Variants in TENM4 observed in about 807,000 individuals in gnomAD.
TENM4 encodes the protein teneurin transmembrane protein 4, also known as teneurin-4.
Under a neutral mutation model 243.3 loss-of-function variants are expected in TENM4, and 82 were observed. The observed-to-expected ratio is 0.34, with a 90% CI of 0.28 to 0.40. TENM4 has a LOEUF of 0.40. Among genes scored for constraint, TENM4 ranks in the 10% least tolerant of loss-of-function variants. The pLI, the probability that TENM4 is intolerant of heterozygous loss-of-function variation, is 1.00. For missense variants in TENM4, 3,138 were observed against 3,673.3 expected (o/e 0.85, Z 3.77); for synonymous variants, 1,412 against 1,456.3 (o/e 0.97, Z 0.69).
chr11:78,948,593 G>A (rs1046781517), intron 6 of TENM4, among the ~76,000 whole-genome samples: 3 of 152,120 alleles, frequency 2.0e-5, no homozygotes, highest in South Asian at 2.1e-4. Flanking sequence ...GGATGGTCTC[G>A]ATCTCCTGAC....
chr11:78,687,532 T>G (rs1169548438), intron 29 of TENM4, among the ~76,000 whole-genome samples: 2 of 152,152 alleles, frequency 1.3e-5, no homozygotes, highest in Non-Finnish European at 2.9e-5. Flanking sequence ...ACAGCAAGAT[T>G]TCATCATTGT....
intron 11 of TENM4, among the ~76,000 whole-genome samples, chr11:78,854,919 G>T (rs1400830830): frequency 1.3e-5 from 2 of 152,206 alleles, no homozygotes; most frequent in African/African-American, 2.4e-5. Flanking sequence ...ATAATTACAT[G>T]CTGTGTCAAA....
intron 2 of TENM4, among the ~76,000 whole-genome samples, chr11:79,223,469 G>A (rs1177016816): frequency 2.0e-5 from 3 of 152,124 alleles, no homozygotes; most frequent in Non-Finnish European, 4.4e-5. Flanking sequence ...CCAGACCTCT[G>A]GGCCTCTGCT....
At chr11:79,247,362 A>G (rs1200297742) in intron 2 of TENM4, among the ~76,000 whole-genome samples, 1 of 142,744 alleles carries the variant, frequency 7.0e-6, no homozygotes, top group Non-Finnish European at 1.5e-5. Flanking sequence ...AGTTGCAGTG[A>G]GCTGAGATCA....
intron 2 of TENM4, among the ~76,000 whole-genome samples, chr11:79,260,217 G>A (rs1373358129): frequency 1.3e-5 from 2 of 152,204 alleles, no homozygotes; most frequent in Non-Finnish European, 2.9e-5. Flanking sequence ...TCAGAGTTGT[G>A]ACTAGGGTAA....
At position 78,708,519 on chromosome 11, in the gene TENM4, G is replaced by A; in HGVS notation, c.4055-4C>T. ...CCAAACTTGTCCACTGTAATGCCTG[G>A]GGGCAGAGAAGCCAAAACAGGAACT... On this transcript the variant is annotated splice_polypyrimidine_tract_variant and splice_region_variant and intron_variant, in intron 26 of 33. Transcript: ENST00000278550. 6.2e-7 allele frequency: 1 copy of A among 1,613,364 alleles called. No homozygotes were observed. The highest frequency in any genetic ancestry group is 8.5e-7 in the Non-Finnish European group (1 of 1,179,626).
chr11:78,913,686 G>A (rs866963764), intron 6 of TENM4, among the ~76,000 whole-genome samples: 1 of 151,462 alleles, frequency 6.6e-6, no homozygotes, highest in Non-Finnish European at 1.5e-5. Flanking sequence ...GAGCGGATAA[G>A]CAGCTCATGG....
chr11:79,173,392 A>G (rs1863090199), intron 3 of TENM4, among the ~76,000 whole-genome samples: 1 of 151,808 alleles, frequency 6.6e-6, no homozygotes, highest in South Asian at 2.1e-4. Context: ...TTGAGTCTCA[A>G]TTTTCTTCTT....
chr11:79,001,986 C>T (rs1275438526), intron 6 of TENM4, among the ~76,000 whole-genome samples: 2 of 152,172 alleles, frequency 1.3e-5, no homozygotes, highest in Non-Finnish European at 2.9e-5. Flanking sequence ...CTCCCCATCT[C>T]CCCTGCTTTT....
chr11:78,796,023 G>A (rs967366248), intron 15 of TENM4, among the ~76,000 whole-genome samples: 5 of 152,056 alleles, frequency 3.3e-5, no homozygotes, highest in Admixed American at 6.6e-5. Flanking sequence ...TCGAGATGGC[G>A]GAAAGTTAAT....
chr11:79,058,728 G>T (rs1253653367), intron 6 of TENM4, among the ~76,000 whole-genome samples: 3 of 152,134 alleles, frequency 2.0e-5, no homozygotes, highest in African/African-American at 7.2e-5. Flanking sequence ...TGTCTCCAAG[G>T]TTCTTTCTAG....
At chr11:79,218,842 C>T (rs1293773059) in intron 2 of TENM4, among the ~76,000 whole-genome samples, 8 of 152,112 alleles carry the variant, frequency 5.3e-5, no homozygotes, top group Non-Finnish European at 5.9e-5. Context: ...GCTAGCATTC[C>T]GTTGAGGGGA....
chr11:78,658,953 C>G, intron 33 of TENM4, 137 bp from the exon 34 acceptor site: 1 of 980,126 alleles, frequency 1.0e-6, no homozygotes, highest in Non-Finnish European at 1.5e-6. Flanking sequence ...CCGCTGACCA[C>G]CAGAACATCC....
At chr11:79,368,684 G>T (rs1427081643) in intron 1 of TENM4, among the ~76,000 whole-genome samples, 1 of 152,216 alleles carries the variant, frequency 6.6e-6, no homozygotes, top group Non-Finnish European at 1.5e-5. Flanking sequence ...CTCATCTGAA[G>T]AATGTGGATC....
At position 79,438,291 on chromosome 11, in the gene TENM4, C is replaced by CT. The variant is rs1027251098; in HGVS notation, c.-321+2217dup. 2.0e-5 allele frequency among the ~76,000 whole-genome samples: 3 copies of CT among 152,180 alleles called. No homozygotes were observed. Among genetic ancestry groups the CT allele is most frequent in the African/African-American group, 7.2e-5 (3 of 41,434 alleles). ...AAAGCATACTCTTACTGTGGTTTCT[C>CT]TATCAAAGCCCATCAACGTGATACA... is the stretch of plus-strand genomic sequence containing the variant. On this transcript the variant is annotated intron_variant, in intron 1 of 33. Coordinates refer to ENST00000278550, the MANE Select transcript of TENM4 (RefSeq NM_001098816.3). This position sits in a 1 kb window ranked among gnomAD's most constrained non-coding sequence, Gnocchi z 4.1.
At chr11:79,380,122 G>C (rs778389214) in intron 1 of TENM4, among the ~76,000 whole-genome samples, 1 of 152,128 alleles carries the variant, frequency 6.6e-6, no homozygotes, top group Non-Finnish European at 1.5e-5. Flanking sequence ...GCAGCTATGA[G>C]CCTCCCAATG....
chr11:79,145,990 T>C (rs1249711715), intron 4 of TENM4, among the ~76,000 whole-genome samples: 1 of 151,968 alleles, frequency 6.6e-6, no homozygotes, highest in Non-Finnish European at 1.5e-5. Flanking sequence ...TTTATAGGAG[T>C]TTCTTCTTTT....
chr11:78,859,392 A>G (rs1858760690), intron 10 of TENM4, among the ~76,000 whole-genome samples: 1 of 152,228 alleles, frequency 6.6e-6, no homozygotes, highest in South Asian at 2.1e-4. Flanking sequence ...AGGCCTCACA[A>G]GGCAGATTTT....
intron 7 of TENM4, among the ~76,000 whole-genome samples, chr11:78,896,421 A>G (rs1012296018): frequency 6.6e-6 from 1 of 152,082 alleles, no homozygotes; most frequent in East Asian, 1.9e-4. Context: ...TAAAAGGCCA[A>G]TCCCATAATG....
Sources: gnomAD v4.1 joint callset for allele counts (sites outside exome capture counted in the v4.1 genomes callset) on GRCh38, gnomAD v4.1.1 for gene constraint, Gnocchi (gnomAD v3.1) non-coding constraint, MANE v1.5 for transcripts, NCBI Gene and HGNC (gene_info 2026-07-23, HGNC 2026-07-21) for gene names.